PSMD1: variants seen among roughly 807,000 people sequenced by gnomAD.
PSMD1 encodes the protein 26S proteasome non-ATPase regulatory subunit 1.
Under a neutral mutation model 119.0 loss-of-function variants are expected in PSMD1, and 18 were observed. The observed-to-expected ratio is 0.15, with a 90% CI of 0.10 to 0.22. PSMD1 has a LOEUF of 0.22. Among genes scored for constraint, PSMD1 ranks in the 10% least tolerant of loss-of-function variants. The pLI is 1.00. For synonymous variants in PSMD1, 374 were observed against 396.6 expected, an observed-to-expected ratio of 0.94 and a Z score of 0.68; for missense variants, 702 against 1,158.5, an observed-to-expected ratio of 0.61 and a Z score of 5.72.
At chr2:231,169,075 A>G (rs1488518292) in intron 23 of PSMD1, among the ~76,000 whole-genome samples, 1 of 150,572 alleles carries the variant, frequency 6.6e-6, no homozygotes, top group Admixed American at 6.6e-5. Context: ...CCAACATGTA[A>G]AGCATTAACA....
At chr2:231,112,595 C>T (rs1695189744) in intron 16 of PSMD1, among the ~76,000 whole-genome samples, 1 of 152,144 alleles carries the variant, frequency 6.6e-6, no homozygotes, top group Non-Finnish European at 1.5e-5. Context: ...TATTCCAGGT[C>T]TCTTAATTTT....
chr2:231,107,470 A>G (rs1695003955), intron 16 of PSMD1, among the ~76,000 whole-genome samples: 1 of 152,208 alleles, frequency 6.6e-6, no homozygotes, highest in African/African-American at 2.4e-5. Flanking sequence ...AATATATATC[A>G]AAAGTAGATT....
At position 231,100,129 on chromosome 2, in the gene PSMD1, G is replaced by A. The variant is rs377642668; in HGVS notation, c.1883+12948G>A. Among the ~76,000 whole-genome samples the A allele has an allele frequency of 3.8e-3, 574 of 152,318 alleles. 6 individuals carry two copies. Among genetic ancestry groups the A allele is most frequent in the African/African-American group, 4.6e-3 (191 of 41,570 alleles). On this transcript the variant is annotated intron_variant, in intron 16 of 24. Coordinates refer to ENST00000308696, the MANE Select transcript of PSMD1 (RefSeq NM_002807.4). ...ACGAGAGAGAACCAGAGACCATCCC[G>A]GGAGGGGAATGCAATCATGGGCGAG...
intron 4 of PSMD1, 138 bp from the exon 5 acceptor site, chr2:231,066,768 A>G (rs370504305): frequency 1.3e-5 from 8 of 625,932 alleles, no homozygotes; most frequent in Non-Finnish European, 1.9e-5. Context: ...ATTCAAATGC[A>G]TAAGTTCTAG....
At chr2:231,165,433 T>A in intron 22 of PSMD1, 147 bp downstream of exon 22, 1 of 1,099,662 alleles carries the variant, frequency 9.1e-7, no homozygotes, top group Non-Finnish European at 1.2e-6. Context: ...CATCAAACTG[T>A]ACTTGAAAGA....
rs1208104027 is a variant in PSMD1, at chr2:231,163,655, A to G, written c.2409A>G (p.Lys803=). 2 of 1,612,690 alleles carry G rather than the reference A, an allele frequency of 1.2e-6. No individual in the cohort carries two copies. The highest frequency in any genetic ancestry group is 1.7e-5 in the Admixed American group (1 of 59,926). The part of the protein sequence containing the change: ...KDLKMPKVQY[K]SNCKPSTFAY... ...TTCAGATGCCGAAAGTTCAGTATAA[A>G]TCGAACTGTAAACCATCCACATTTG... Residue 803 remains lysine (K), a synonymous_variant, in exon 21 of 25, where the codon AAA becomes AAG. Coordinates refer to ENST00000308696, the MANE Select transcript of PSMD1 (RefSeq NM_002807.4).
intron 4 of PSMD1, among the ~76,000 whole-genome samples, chr2:231,066,071 TAGGTATGTA>T (rs2125155224): frequency 6.6e-6 from 1 of 152,344 alleles, no homozygotes; most frequent in East Asian, 1.9e-4. Context: ...CCATAGAGCC[TAGGTATGTA>T]GTAGGTTATA....
chr2:231,087,284 A>G, intron 16 of PSMD1, 103 bp downstream of exon 16: 1 of 898,086 alleles, frequency 1.1e-6, no homozygotes, highest in Non-Finnish European at 1.8e-6. Flanking sequence ...AACAAAAACT[A>G]AATACCTGAG....
At position 231,056,946 on chromosome 2, in the gene PSMD1, A is replaced by G. The variant is rs538680730; in HGVS notation, c.-80A>G. 3.9e-6 allele frequency: 6 copies of G among 1,526,022 alleles called. No individual in the cohort carries two copies. In the African/African-American group the frequency reaches 5.7e-5, roughly 14 times the overall value. 94.5% of individuals were successfully genotyped at this position (1,526,022 alleles called of 1,614,324 possible). ...CCCGGGGAGCAAGGAGGCGCGGTGAACTGAGCGGCCCCTGAGCTGACAGAT... is the reference window on the plus strand; with the variant it reads ...CCCGGGGAGCAAGGAGGCGCGGTGAGCTGAGCGGCCCCTGAGCTGACAGAT... On this transcript the variant is annotated 5_prime_UTR_variant, in exon 1 of 25. Coordinates refer to ENST00000308696, the MANE Select transcript of PSMD1 (RefSeq NM_002807.4).
At chr2:231,161,311 T>C (rs968743226) in intron 19 of PSMD1, 29 bp from the exon 20 acceptor site, 1 of 1,545,008 alleles carries the variant, frequency 6.5e-7, no homozygotes, top group Non-Finnish European at 8.8e-7. Flanking sequence ...AATACTATTA[T>C]TGTTCATGGT....
At chr2:231,169,907 T>G (rs1403193932) in intron 23 of PSMD1, among the ~76,000 whole-genome samples, 1 of 152,334 alleles carries the variant, frequency 6.6e-6, no homozygotes, top group South Asian at 2.1e-4. Flanking sequence ...TCCCATGTAT[T>G]TTTTCATCGG....
intron 16 of PSMD1, chr2:231,123,714 G>A (rs1294852919): frequency 6.2e-7 from 1 of 1,614,046 alleles, no homozygotes; most frequent in Non-Finnish European, 8.5e-7. Flanking sequence ...TCTGCAAAAT[G>A]TGCTCAGGAA....
chr2:231,158,076 C>T (rs543941448), intron 19 of PSMD1, among the ~76,000 whole-genome samples: 7 of 151,754 alleles, frequency 4.6e-5, no homozygotes, highest in African/African-American at 9.7e-5. Context: ...TTTGGGAGGC[C>T]GAGGTGGGTG....
intron 16 of PSMD1, among the ~76,000 whole-genome samples, chr2:231,118,211 C>A (rs1695409784): frequency 6.6e-6 from 1 of 152,022 alleles, no homozygotes; most frequent in Non-Finnish European, 1.5e-5. Context: ...CAGTTCCTGG[C>A]ATAAAGAAAA....
At chr2:231,153,710 T>C in intron 19 of PSMD1, 44 bp downstream of exon 19, 1 of 1,278,668 alleles carries the variant, frequency 7.8e-7, no homozygotes, top group South Asian at 1.3e-5. Flanking sequence ...TTAAACTAAA[T>C]CTAATAAAAT....
intron 4 of PSMD1, among the ~76,000 whole-genome samples, chr2:231,065,455 G>A (rs968478381): frequency 4.1e-4 from 44 of 107,482 alleles, no homozygotes; most frequent in African/African-American, 2.3e-3. Flanking sequence ...ACCACACCCG[G>A]CTAATTTTTT....
At chr2:231,162,687 T>C (rs1231504659) in intron 20 of PSMD1, among the ~76,000 whole-genome samples, 3 of 151,706 alleles carry the variant, frequency 2.0e-5, no homozygotes, top group Admixed American at 6.6e-5. Context: ...TCAGGCCGGG[T>C]GTGGTTGTGC....
chr2:231,057,546 T>A (rs1368605683), intron 1 of PSMD1, among the ~76,000 whole-genome samples: 3 of 152,168 alleles, frequency 2.0e-5, no homozygotes, highest in African/African-American at 7.2e-5. Flanking sequence ...TTGAGGTGGG[T>A]CATTTCTGGG....
intron 16 of PSMD1, among the ~76,000 whole-genome samples, chr2:231,138,077 T>A (rs1240280358): frequency 2.0e-5 from 3 of 152,204 alleles, no homozygotes; most frequent in Non-Finnish European, 2.9e-5. Flanking sequence ...CTGCTGCTCT[T>A]CAAGGATAGC....
Sources: allele counts gnomAD v4.1 joint callset (sites outside exome capture counted in the v4.1 genomes callset), GRCh38; gene constraint gnomAD v4.1.1; transcripts MANE v1.5; gene names NCBI Gene and HGNC (gene_info 2026-07-23, HGNC 2026-07-21).